The following GSE1 variants were observed in gnomAD, a reference collection of about 807,000 sequenced individuals.
GSE1 encodes Gse1 coiled-coil protein, also known as genetic suppressor element 1.
GSE1 carries 32 observed loss-of-function variants against 112.6 expected under a neutral mutation model. The observed-to-expected ratio is 0.28, with a 90% CI of 0.21 to 0.38. The LOEUF is 0.38. Among genes scored for constraint, GSE1 ranks in the 10% least tolerant of loss-of-function variants. The pLI is 1.00. For synonymous variants in GSE1, 1,115 were observed against 735.6 expected (o/e 1.52, Z -8.35); for missense variants, 2,348 against 1,699.2 (o/e 1.38, Z -6.71).
chr16:85,648,703 C>T lies in GSE1; in HGVS notation c.378C>T (p.Ile126=), dbSNP rs532644893. ...SVPSTPPVVT[I]APTKTVNGVW... Reference sequence around the variant, plus strand: ...CCAGCACCCCCCCCGTGGTGACCATCGCTCCAACCAAAACCGTGAATGGTG... The same window carrying T: ...CCAGCACCCCCCCCGTGGTGACCATTGCTCCAACCAAAACCGTGAATGGTG... Residue 126 remains isoleucine, a synonymous_variant, in exon 3 of 16, where the codon ATC becomes ATT. Transcript: ENST00000253458. The T allele has an allele frequency of 4.8e-5, 78 of 1,608,520 alleles. No homozygotes were observed. The highest frequency in any genetic ancestry group is 4.2e-4 in the Admixed American group (25 of 59,536).
intron 2 of GSE1, among the ~76,000 whole-genome samples, chr16:85,455,523 G>A (rs1339679209): frequency 1.3e-5 from 2 of 152,226 alleles, no homozygotes; most frequent in African/African-American, 2.4e-5. Context: ...TGCTCAGGCC[G>A]GTGTGGGTTT....
At chr16:85,658,780 G>C (rs2052184986) in intron 8 of GSE1, among the ~76,000 whole-genome samples, 1 of 151,570 alleles carries the variant, frequency 6.6e-6, no homozygotes, top group Non-Finnish European at 1.5e-5. Flanking sequence ...GATAACATCA[G>C]GGTGCCCTGA....
At chr16:85,624,453 C>T (rs1392316602) in intron 1 of GSE1, among the ~76,000 whole-genome samples, 1 of 152,216 alleles carries the variant, frequency 6.6e-6, no homozygotes, top group Non-Finnish European at 1.5e-5. Flanking sequence ...CCTTCCTATT[C>T]CCAGCCGTGT....
At chr16:85,214,531 C>T (rs753506862) in intron 1 of GSE1, among the ~76,000 whole-genome samples, 62 of 152,278 alleles carry the variant, frequency 4.1e-4, no homozygotes, top group Admixed American at 2.8e-3. Flanking sequence ...AGAGGCAGCG[C>T]GGCCCAGCCA....
intron 2 of GSE1, among the ~76,000 whole-genome samples, chr16:85,486,449 C>T (rs898335836): frequency 2.6e-5 from 4 of 152,244 alleles, no homozygotes; most frequent in African/African-American, 4.8e-5. Context: ...CACCCCTTGG[C>T]ATGGCAGGCA....
chr16:85,396,377 G>C (rs1489814040), intron 2 of GSE1, among the ~76,000 whole-genome samples: 3 of 152,248 alleles, frequency 2.0e-5, no homozygotes, highest in African/African-American at 4.8e-5. Context: ...TTGAACTCCA[G>C]CACAGAGTGG....
At chr16:85,534,332 G>C (rs917832768) in intron 2 of GSE1, among the ~76,000 whole-genome samples, 4 of 152,062 alleles carry the variant, frequency 2.6e-5, no homozygotes, top group African/African-American at 9.7e-5. Context: ...ATGTTGGCCA[G>C]GCTGGTCTTG....
At chr16:85,180,991 A>T (rs970905599) in intron 1 of GSE1, among the ~76,000 whole-genome samples, 1 of 152,226 alleles carries the variant, frequency 6.6e-6, no homozygotes, top group Non-Finnish European at 1.5e-5. Flanking sequence ...CAACGTTTTA[A>T]GTCATTTTCA....
intron 1 of GSE1, among the ~76,000 whole-genome samples, chr16:85,632,792 T>G (rs138471175): frequency 0.012 from 1,832 of 152,118 alleles, 13 homozygotes; most frequent in Non-Finnish European, 0.018. Context: ...CGCCCCAAGA[T>G]GCATCCACAG....
intron 2 of GSE1, among the ~76,000 whole-genome samples, chr16:85,512,742 G>A (rs953001033): frequency 2.0e-5 from 3 of 152,184 alleles, no homozygotes; most frequent in East Asian, 1.9e-4. Context: ...CCCAGGGAAC[G>A]GGAGCGGTGG....
rs1231449928 is a variant in GSE1, at chr16:85,372,906, G to C, written c.2464+15263G>C. On this transcript the variant is annotated intron_variant, in intron 2 of 2. Transcript: ENST00000637419. ...AGGAGGGGAAAAGTGACTTGCTGACGGTCGTCCCGCCAGTCAGCTGAGTCA... is the reference window on the plus strand; with the variant it reads ...AGGAGGGGAAAAGTGACTTGCTGACCGTCGTCCCGCCAGTCAGCTGAGTCA... 3.9e-5 allele frequency among the ~76,000 whole-genome samples: 6 copies of C among 152,196 alleles called. No individual in the cohort carries two copies. In the South Asian group the frequency reaches 8.3e-4, roughly 21 times the overall value.
chr16:85,499,192 T>G (rs1351028562), intron 2 of GSE1, among the ~76,000 whole-genome samples: 2 of 150,932 alleles, frequency 1.3e-5, no homozygotes, highest in African/African-American at 4.9e-5. Flanking sequence ...GGCCAAGGCC[T>G]GGGCACAGTG....
chr16:85,613,475 G>A, intron 1 of GSE1, 77 bp downstream of exon 1: 1 of 1,330,468 alleles, frequency 7.5e-7, no homozygotes, highest in African/African-American at 1.6e-5. Flanking sequence ...AAGTTCGCGG[G>A]TTTCGCGGGG....
chr16:85,617,977 G>C lies in GSE1; in HGVS notation c.7+4579G>C, dbSNP rs1024429794. On this transcript the variant is annotated intron_variant, in intron 1 of 15. Transcript: ENST00000253458. The stretch of plus-strand genomic sequence containing the variant: ...CTCTCTGGATGTCTGTGGGCCTTGT[G>C]TTAACCCCAGGCAGAATCCTGAAGG... 2.6e-5 allele frequency among the ~76,000 whole-genome samples: 4 copies of C among 152,164 alleles called. No individual in the cohort carries two copies. The South Asian group carries it at 8.3e-4, about 32-fold the overall frequency.
chr16:85,515,864 C>T (rs1161471646), intron 2 of GSE1, among the ~76,000 whole-genome samples: 1 of 152,264 alleles, frequency 6.6e-6, no homozygotes, highest in East Asian at 1.9e-4. Context: ...TCTGCCAAGG[C>T]CTTAAGCCTG....
At chr16:85,555,795 C>A, upstream of GSE1, 2 of 975,068 alleles carry the variant, frequency 2.1e-6, no homozygotes, top group Non-Finnish European at 2.4e-6. Context: ...CTCGCACGTC[C>A]TGGGGGCTGT....
chr16:85,655,279 C>T (rs1041903506), intron 5 of GSE1, among the ~76,000 whole-genome samples: 2 of 152,202 alleles, frequency 1.3e-5, no homozygotes, highest in Admixed American at 6.5e-5. Flanking sequence ...GAGAGCAGGG[C>T]TTTGCCCGTG....
chr16:85,577,280 AGTG>A (rs1265200759), intron 1 of GSE1, among the ~76,000 whole-genome samples: 1 of 152,190 alleles, frequency 6.6e-6, no homozygotes, highest in Non-Finnish European at 1.5e-5. Flanking sequence ...CAGCCTGCCC[AGTG>A]GTGATCACCT....
At chr16:85,578,080 T>C (rs979835630) in intron 1 of GSE1, among the ~76,000 whole-genome samples, 11 of 152,254 alleles carry the variant, frequency 7.2e-5, no homozygotes, top group Admixed American at 1.3e-4. Context: ...CCTGCAGTTC[T>C]TCCGTTGAAT....
Sources: gnomAD v4.1 joint callset for allele counts (sites outside exome capture counted in the v4.1 genomes callset) on GRCh38, gnomAD v4.1.1 for gene constraint, MANE v1.5 for transcripts, NCBI Gene and HGNC (gene_info 2026-07-23, HGNC 2026-07-21) for gene names.